The following CELF2 variants were observed in gnomAD, a reference collection of about 807,000 sequenced individuals.
CELF2 encodes CUGBP Elav-like family member 2, also known as CUG triplet repeat RNA-binding protein 2.
In CELF2, 8 loss-of-function variants were observed where a neutral mutation model predicts 62.6. The observed-to-expected ratio is 0.13, with a 90% confidence interval of 0.07 to 0.23. The LOEUF (loss-of-function observed/expected upper bound fraction) is 0.23, where lower values mean the gene tolerates loss of function less well. Ranked by LOEUF, CELF2 falls within the 10% of genes least tolerant of loss-of-function variation. The pLI is 1.00. For synonymous variants in CELF2, 258 were observed against 250.0 expected (o/e 1.03, Z -0.30); for missense variants, 333 against 671.0 (o/e 0.50, Z 5.56).
At chr10:10,754,751 T>G in the CELF2 span, among the ~76,000 whole-genome samples, 1 of 152,190 alleles carries the variant, frequency 6.6e-6, no homozygotes, top group Non-Finnish European at 1.5e-5. Context: ...CTCAGCTCTT[T>G]TTATAGATTT....
chr10:11,325,833 T>C lies in CELF2; in HGVS notation c.1295-3T>C, dbSNP rs776474418. 1.2e-6 allele frequency: 2 copies of C among 1,606,094 alleles called. No individual in the cohort carries two copies. The highest frequency in any genetic ancestry group is 1.7e-5 in the Admixed American group (1 of 57,664). ...TTACTCTGACTTTTTTTTTCCTCCT[T>C]AGGTCCAGAGGGGGCAAACCTCTTT... On this transcript the variant is annotated splice_region_variant and splice_polypyrimidine_tract_variant and intron_variant, in intron 11 of 12. Transcript: ENST00000633077.
In CELF2 at chr10:10,967,918, GCA is replaced by G. The variant is rs112085743; in HGVS notation, c.89+47939_89+47940del. On this transcript the variant is annotated intron_variant, in intron 2 of 13. Coordinates refer to the CELF2 transcript ENST00000636488. The stretch of plus-strand genomic sequence containing the variant: ...GCTGTAATATGAGTTATTAAGGTAA[GCA>G]CACACACACACACACACACCCCATT... Among the ~76,000 whole-genome samples the G allele has an allele frequency of 6.0e-5, 9 of 149,306 alleles. No homozygotes were observed. In the South Asian group the frequency reaches 1.3e-3, roughly 21 times the overall value.
the CELF2 span, among the ~76,000 whole-genome samples, chr10:10,558,244 A>C: frequency 6.6e-6 from 1 of 152,038 alleles, no homozygotes; most frequent in East Asian, 1.9e-4. Flanking sequence ...TTTAGCATGA[A>C]GGGTTGTTGA....
chr10:10,559,406 A>G, the CELF2 span, among the ~76,000 whole-genome samples: 1 of 152,212 alleles, frequency 6.6e-6, no homozygotes, highest in Non-Finnish European at 1.5e-5. Context: ...TAAACATCCC[A>G]CAGAATGTTA....
the CELF2 span, among the ~76,000 whole-genome samples, chr10:10,475,902 C>G: frequency 6.6e-6 from 1 of 151,952 alleles, no homozygotes; most frequent in Non-Finnish European, 1.5e-5. Flanking sequence ...AGCTGTTTAG[C>G]TCTTTCTTTT....
At chr10:10,542,039 A>T in the CELF2 span, among the ~76,000 whole-genome samples, 1 of 152,218 alleles carries the variant, frequency 6.6e-6, no homozygotes, top group East Asian at 1.9e-4. Context: ...TCCCAGACAG[A>T]ATTTGCATCT....
chr10:10,738,828 A>T, the CELF2 span, among the ~76,000 whole-genome samples: 2 of 152,232 alleles, frequency 1.3e-5, no homozygotes, highest in Non-Finnish European at 2.9e-5. Context: ...GAAGGGAAAA[A>T]GAACATTCGG....
chr10:10,634,774 G>C, the CELF2 span, among the ~76,000 whole-genome samples: 5 of 151,154 alleles, frequency 3.3e-5, no homozygotes, highest in Admixed American at 3.3e-4. Context: ...CGATTCTCCT[G>C]TCTCAGCCTC....
chr10:10,512,171 A>T, the CELF2 span, among the ~76,000 whole-genome samples: 1 of 152,132 alleles, frequency 6.6e-6, no homozygotes, highest in African/African-American at 2.4e-5. Context: ...AAAGAGCTTG[A>T]TGTGGATGAA....
At chr10:10,898,424 C>A (rs1454121748) in intron 1 of CELF2, among the ~76,000 whole-genome samples, 3 of 152,162 alleles carry the variant, frequency 2.0e-5, no homozygotes, top group African/African-American at 2.4e-5. Flanking sequence ...TTTCTTATAT[C>A]AGCCCTAAGT....
At chr10:10,820,174 C>T (rs552118093) in intron 1 of CELF2, among the ~76,000 whole-genome samples, 30 of 152,308 alleles carry the variant, frequency 2.0e-4, no homozygotes, top group Admixed American at 7.8e-4. Context: ...TCTGAAGCCT[C>T]GCCAGCCATG....
chr10:10,624,192 C>A, the CELF2 span, among the ~76,000 whole-genome samples: 2 of 152,214 alleles, frequency 1.3e-5, no homozygotes, highest in African/African-American at 4.8e-5. Flanking sequence ...TCTTATCATC[C>A]CCTCTGCTTT....
At chr10:10,523,047 G>C in the CELF2 span, among the ~76,000 whole-genome samples, 1 of 152,180 alleles carries the variant, frequency 6.6e-6, no homozygotes, top group Non-Finnish European at 1.5e-5. Flanking sequence ...AGTAAGGTTT[G>C]ATTCTGGGAC....
intron 1 of CELF2, among the ~76,000 whole-genome samples, chr10:11,119,528 T>C (rs2057284151): frequency 6.6e-6 from 1 of 152,258 alleles, no homozygotes; most frequent in African/African-American, 2.4e-5. Context: ...ATTTAATCAA[T>C]TCCAGAATAA....
At chr10:11,253,303 T>A (rs1386783419) in intron 4 of CELF2, among the ~76,000 whole-genome samples, 1 of 152,210 alleles carries the variant, frequency 6.6e-6, no homozygotes, top group Non-Finnish European at 1.5e-5. Context: ...TTAAGCCTGC[T>A]GTGTGTGTCT....
At chr10:11,006,833 TG>T (rs2137184046) in intron 1 of CELF2, among the ~76,000 whole-genome samples, 1 of 152,384 alleles carries the variant, frequency 6.6e-6, no homozygotes, top group East Asian at 1.9e-4. Flanking sequence ...TGCCTTTCTA[TG>T]CAGGGCAAAC....
chr10:11,134,628 C>T (rs1253854352), intron 1 of CELF2, among the ~76,000 whole-genome samples: 5 of 152,172 alleles, frequency 3.3e-5, no homozygotes, highest in East Asian at 1.9e-4. Context: ...CCGCTGTCTC[C>T]AGCACCTTGA....
At chr10:10,971,053 T>C (rs117997094) in intron 2 of CELF2, among the ~76,000 whole-genome samples, 1,573 of 152,312 alleles carry the variant, frequency 0.01, 17 homozygotes, top group Non-Finnish European at 0.014. Flanking sequence ...AGTTGTTTTT[T>C]GGGTGTACTC....
chr10:10,748,428 A>G, the CELF2 span, among the ~76,000 whole-genome samples: 27,523 of 152,090 alleles, frequency 0.18, 2,838 homozygotes, highest in East Asian at 0.33. Context: ...AGGAGAGGAG[A>G]GGCAGGATCC....
Sources: allele counts gnomAD v4.1 joint callset (sites outside exome capture counted in the v4.1 genomes callset), GRCh38; gene constraint gnomAD v4.1.1; transcripts MANE v1.5; gene names NCBI Gene and HGNC (gene_info 2026-07-23, HGNC 2026-07-21).